Variants in UBAC1 observed in about 807,000 individuals in gnomAD.
UBAC1 encodes UBA domain containing 1, also known as ubiquitin-associated domain-containing protein 1.
Under a neutral mutation model 45.9 loss-of-function variants are expected in UBAC1, and 27 were observed. The ratio of observed to expected loss-of-function variants is 0.59; its 90% CI spans 0.43 to 0.81. The LOEUF (loss-of-function observed/expected upper bound fraction) is 0.81. UBAC1 is among the 30% of genes least tolerant of loss of function. The probability of loss-of-function intolerance (pLI) is 0.00; values close to 1 mark genes in which losing one functional copy is unlikely to be tolerated. For missense variants in UBAC1, 529 were observed against 539.2 expected (o/e 0.98, Z 0.19); for synonymous variants, 227 against 215.5 (o/e 1.05, Z -0.47).
In UBAC1 at chr9:135,946,235, C is replaced by T. The variant is rs759730820; in HGVS notation, c.544+34G>A. 2.2e-5 allele frequency: 33 copies of T among 1,482,728 alleles called. No homozygotes were observed. In the South Asian group the frequency reaches 2.9e-4, roughly 13 times the overall value. 91.8% of individuals were successfully genotyped at this position (1,482,728 alleles called of 1,614,324 possible). A position where few individuals can be genotyped will look rare whatever the true frequency, so the allele number is the denominator to read the frequency against. The stretch of plus-strand genomic sequence containing the variant: ...ACGCTCCCCAAGGCCGGCAGTGAAC[C>T]GCCCTGGAATGCAGCATCGGGGTTG... On this transcript the variant is annotated intron_variant, in intron 5 of 9. Coordinates refer to ENST00000371756, the MANE Select transcript of UBAC1 (RefSeq NM_016172.3).
At chr9:135,937,647 AACTCTAC>A (rs1287159083) in intron 9 of UBAC1, among the ~76,000 whole-genome samples, 1 of 152,070 alleles carries the variant, frequency 6.6e-6, no homozygotes, top group Non-Finnish European at 1.5e-5. Context: ...AATACGGCAA[AACTCTAC>A]CGGGAAGCAG....
chr9:135,949,644 C>A (rs1839382665), intron 3 of UBAC1, among the ~76,000 whole-genome samples: 1 of 152,190 alleles, frequency 6.6e-6, no homozygotes, highest in South Asian at 2.1e-4. Context: ...CCTCCTGGCA[C>A]CCGAGGAAGT....
At chr9:135,945,850 G>T in intron 6 of UBAC1, 39 bp downstream of exon 6, 1 of 1,572,232 alleles carries the variant, frequency 6.4e-7, no homozygotes. Context: ...CCAGGCCCCA[G>T]GTGTCTCCGG....
intron 8 of UBAC1, among the ~76,000 whole-genome samples, chr9:135,939,392 A>G (rs986359083): frequency 6.6e-6 from 1 of 152,124 alleles, no homozygotes; most frequent in African/African-American, 2.4e-5. Context: ...CACGGCCTCC[A>G]CCACGCCCGG....
Position 135,961,056 on chromosome 9 carries a change from A to G in UBAC1, c.107T>C (p.Val36Ala), listed in dbSNP as rs1839530227. The G allele has an allele frequency of 6.3e-7, 1 of 1,578,050 alleles. No individual in the cohort carries two copies. Among genetic ancestry groups the G allele is most frequent in the Non-Finnish European group, 8.6e-7 (1 of 1,167,886 alleles). The change falls in exon 1 of 10, where the codon GTG (valine) becomes GCG (alanine). Residue 36 changes from valine (V) to alanine (A), a missense_variant. Transcript: ENST00000371756. ...WLEEATEDTS[V>A]EKLKERCLKH... ...GAGGCAGCGCTCCTTGAGCTTCTCC[A>G]CCGAGGTGTCCTCGGTGGCCTCCTC... is the stretch of plus-strand genomic sequence containing the variant.
intron 7 of UBAC1, among the ~76,000 whole-genome samples, chr9:135,944,355 T>C (rs1346424349): frequency 1.3e-5 from 2 of 152,024 alleles, no homozygotes; most frequent in African/African-American, 2.4e-5. Context: ...CACAGCACAA[T>C]GTCACACACC....
intron 1 of UBAC1, among the ~76,000 whole-genome samples, chr9:135,956,261 C>T (rs1490337938): frequency 1.3e-5 from 2 of 152,200 alleles, no homozygotes; most frequent in Non-Finnish European, 2.9e-5. Context: ...CCCTTCCAAC[C>T]CTGCCATTAC....
Position 135,946,162 on chromosome 9 carries a change from C to A in UBAC1, c.544+107G>T, listed in dbSNP as rs977527593. 4 of 1,050,718 alleles carry A rather than the reference C, an allele frequency of 3.8e-6. No individual in the cohort carries two copies. The African/African-American group carries it at 6.3e-5, about 16-fold the overall frequency. 65.1% of individuals were successfully genotyped at this position (1,050,718 alleles called of 1,614,324 possible). On this transcript the variant is annotated intron_variant, in intron 5 of 9. Transcript: ENST00000371756. The stretch of plus-strand genomic sequence containing the variant: ...AGGCCCCAGGCCCTCATCAGCGCTT[C>A]CATAAAGCACTGAGGTTCCGGTCAG...
chr9:135,946,516 C>G (rs755162494), intron 4 of UBAC1, 145 bp from the exon 5 acceptor site: 1 of 646,420 alleles, frequency 1.5e-6, no homozygotes. Context: ...CAGCTGAGGG[C>G]AAGGCAGGGG....
At chr9:135,939,495 CCA>C (rs1032963909) in intron 8 of UBAC1, among the ~76,000 whole-genome samples, 176 bp downstream of exon 8, 1 of 149,432 alleles carries the variant, frequency 6.7e-6, no homozygotes, top group Non-Finnish European at 1.5e-5. Flanking sequence ...TCACCACAGC[CCA>C]CACTCACTCA....
chr9:135,945,707 T>C, intron 6 of UBAC1, 182 bp downstream of exon 6: 1 of 598,702 alleles, frequency 1.7e-6, no homozygotes, highest in Non-Finnish European at 3.0e-6. Flanking sequence ...ACAACGACTG[T>C]TCTGTCACAT....
intron 5 of UBAC1, 47 bp downstream of exon 5, chr9:135,946,222 G>T: frequency 7.3e-7 from 1 of 1,373,194 alleles, no homozygotes; most frequent in Non-Finnish European, 1.0e-6. Flanking sequence ...GCTCCCCAAG[G>T]CCGGCAGTGA....
Sources: gnomAD v4.1 joint callset for allele counts (sites outside exome capture counted in the v4.1 genomes callset) on GRCh38, gnomAD v4.1.1 for gene constraint, MANE v1.5 for transcripts, NCBI Gene and HGNC (gene_info 2026-07-23, HGNC 2026-07-21) for gene names.